STX2: variants seen among roughly 807,000 people sequenced by gnomAD.
STX2 encodes the protein syntaxin-2.
Under a neutral mutation model 40.6 loss-of-function variants are expected in STX2, and 27 were observed. The ratio of observed to expected loss-of-function variants is 0.66; its 90% CI spans 0.49 to 0.92. STX2 has a LOEUF of 0.92. STX2 is among the 40% of genes least tolerant of loss of function. The pLI is 0.00. For synonymous variants in STX2, 123 were observed against 119.1 expected, an observed-to-expected ratio of 1.03 and a Z score of -0.22; for missense variants, 328 against 366.1, an observed-to-expected ratio of 0.90 and a Z score of 0.85.
At chr12:130,802,305 C>T (rs547874018) in intron 6 of STX2, among the ~76,000 whole-genome samples, 5 of 152,294 alleles carry the variant, frequency 3.3e-5, no homozygotes, top group Middle Eastern at 6.8e-3. Flanking sequence ...TCAAGCAATT[C>T]TCATGCCTCT....
At chr12:130,813,499 A>C (rs970034359) in intron 3 of STX2, among the ~76,000 whole-genome samples, 1 of 152,146 alleles carries the variant, frequency 6.6e-6, no homozygotes, top group African/African-American at 2.4e-5. Context: ...AAAACGCCCG[A>C]ATAATCACAG....
intron 3 of STX2, 28 bp downstream of exon 3, chr12:130,821,661 C>G: frequency 6.4e-7 from 1 of 1,570,440 alleles, no homozygotes; most frequent in Non-Finnish European, 8.8e-7. Flanking sequence ...GACAGACAAA[C>G]GTTTTGTTGT....
intron 8 of STX2, among the ~76,000 whole-genome samples, chr12:130,799,907 G>A (rs186125752): frequency 6.6e-6 from 1 of 152,132 alleles, no homozygotes; most frequent in African/African-American, 2.4e-5. Flanking sequence ...TAACAAGGTT[G>A]CTGAAGCAGG....
chr12:130,823,081 C>G (rs1952176517), intron 2 of STX2, among the ~76,000 whole-genome samples: 1 of 152,136 alleles, frequency 6.6e-6, no homozygotes, highest in Non-Finnish European at 1.5e-5. Flanking sequence ...GCAGAAGGAT[C>G]ACTTGTGGCC....
At chr12:130,829,512 C>G (rs1226898445) in intron 1 of STX2, among the ~76,000 whole-genome samples, 1 of 108,472 alleles carries the variant, frequency 9.2e-6, no homozygotes, top group African/African-American at 3.0e-5. Context: ...TGCTGCGGAG[C>G]CCCACCAGCC....
At position 130,818,183 on chromosome 12, in the gene STX2, AAAATATAT is replaced by A. The variant is rs1404972832; in HGVS notation, c.205+3498_205+3505del. ...ACGCTGTTTCTACAAAAAAAAAAAA[AAAATATAT>A]ATATATATATATATATATATATATA... On this transcript the variant is annotated intron_variant, in intron 3 of 10. Transcript: ENST00000392373. 9.8e-4 allele frequency among the ~76,000 whole-genome samples: 20 copies of A among 20,330 alleles called. 1 individual carries two copies. In the Admixed American group the frequency reaches 0.01, roughly 10 times the overall value. The allele number at this position is 20,330 out of a possible 152,430, so 13.3% of individuals were successfully genotyped here.
At position 130,839,081 on chromosome 12, in the gene STX2, C is replaced by G; in HGVS notation, c.19G>C (p.Asp7His). 7.5e-7 allele frequency: 1 copy of G among 1,328,470 alleles called. No individual in the cohort carries two copies. Among genetic ancestry groups the G allele is most frequent in the Non-Finnish European group, 9.7e-7 (1 of 1,035,302 alleles). 82.3% of individuals were successfully genotyped at this position (1,328,470 alleles called of 1,614,324 possible). MRDRLP[D>H]LTACRKNDDG... is the part of the protein sequence containing the mutation. The stretch of plus-strand genomic sequence containing the variant: ...CGGCTGCCGCTCACCGCCGTCAGGT[C>G]TGGCAGCCGGTCCCGCATCCCCGCC... The change falls in exon 1 of 11, where the codon GAC becomes CAC. Residue 7 changes from aspartate to histidine, a missense_variant. Asp to His is a moderately conservative substitution (Grantham distance 81). Coordinates refer to ENST00000392373, the MANE Select transcript of STX2 (RefSeq NM_194356.4).
At position 130,835,339 on chromosome 12, in the gene STX2, A is replaced by T. The variant is rs555317844; in HGVS notation, c.30+3731T>A. On this transcript the variant is annotated intron_variant, in intron 1 of 10. Coordinates refer to ENST00000392373, the MANE Select transcript of STX2 (RefSeq NM_194356.4). The stretch of plus-strand genomic sequence containing the variant: ...TTCATCACCTTGAAACCAGGATGAA[A>T]AATAACGTTCTCATTTCTTTTAGGT... Among the ~76,000 whole-genome samples the T allele has an allele frequency of 2.8e-4, 42 of 152,358 alleles. 1 individual carries two copies. In the South Asian group the frequency reaches 7.7e-3, roughly 28 times the overall value.
At chr12:130,820,421 C>CT (rs1222445390) in intron 3 of STX2, among the ~76,000 whole-genome samples, 1 of 152,128 alleles carries the variant, frequency 6.6e-6, no homozygotes, top group Non-Finnish European at 1.5e-5. Flanking sequence ...AATCCCAGCA[C>CT]TTTGGGAGGC....
intron 2 of STX2, among the ~76,000 whole-genome samples, chr12:130,826,483 C>T (rs928166827): frequency 6.6e-6 from 1 of 152,196 alleles, no homozygotes; most frequent in Non-Finnish European, 1.5e-5. Context: ...GCTGCAGGCC[C>T]GGCCCCAACC....
chr12:130,827,143 A>C, intron 2 of STX2, 50 bp downstream of exon 2: 1 of 834,136 alleles, frequency 1.2e-6, no homozygotes, highest in Non-Finnish European at 1.7e-6. Context: ...GGGGGGAGGG[A>C]GGGAGGACAG....
intron 1 of STX2, 73 bp downstream of exon 1, chr12:130,838,993 AGACG>A: frequency 2.7e-6 from 3 of 1,126,828 alleles, no homozygotes; most frequent in South Asian, 2.4e-5. Context: ...GCCCCGCCCA[AGACG>A]CCCCGAGCCC....
chr12:130,836,415 C>T (rs1346811482), intron 1 of STX2, among the ~76,000 whole-genome samples: 1 of 152,012 alleles, frequency 6.6e-6, no homozygotes, highest in Non-Finnish European at 1.5e-5. Context: ...GAACCACAGG[C>T]ATGCACCACT....
At chr12:130,797,796 T>G (rs1444464086) in intron 9 of STX2, among the ~76,000 whole-genome samples, 1 of 152,230 alleles carries the variant, frequency 6.6e-6, no homozygotes, top group Non-Finnish European at 1.5e-5. Flanking sequence ...TCTGTGCATC[T>G]TGAGTGAAAG....
In STX2 at chr12:130,791,591, G is replaced by T; in HGVS notation, c.*432C>A. 4 of 200,924 alleles carry T rather than the reference G, an allele frequency of 2.0e-5. No individual in the cohort carries two copies. The highest frequency in any genetic ancestry group is 9.9e-6 in the Non-Finnish European group (1 of 101,426). 12.4% of individuals were successfully genotyped at this position (200,924 alleles called of 1,614,324 possible). A position where few individuals can be genotyped will look rare whatever the true frequency, so the allele number is the denominator to read the frequency against. On this transcript the variant is annotated 3_prime_UTR_variant, in exon 11 of 11. Transcript: ENST00000392373. ...TCCTAATTAAACTTCATGCACATTT[G>T]TTAACACTGAAATATTTTTAATATT...
chr12:130,816,129 C>A (rs1279935174), intron 3 of STX2, among the ~76,000 whole-genome samples: 1 of 152,100 alleles, frequency 6.6e-6, no homozygotes, highest in Non-Finnish European at 1.5e-5. Context: ...GTGTAGGAGT[C>A]GAAGCTAAAA....
At position 130,801,141 on chromosome 12, in the gene STX2, G is replaced by C; in HGVS notation, c.675+12C>G. On this transcript the variant is annotated intron_variant, in intron 8 of 10. Coordinates refer to ENST00000392373, the MANE Select transcript of STX2 (RefSeq NM_194356.4). ...GATATCTCTCTTGGAGAATGCAAGA[G>C]TCTGTAACTACCTGAGTCTCCACAA... 6.2e-7 allele frequency: 1 copy of C among 1,607,074 alleles called. No individual in the cohort carries two copies. The highest frequency in any genetic ancestry group is 8.5e-7 in the Non-Finnish European group (1 of 1,175,130).
intron 1 of STX2, among the ~76,000 whole-genome samples, chr12:130,838,869 G>A (rs1238763987): frequency 3.1e-5 from 4 of 130,318 alleles, no homozygotes; most frequent in Non-Finnish European, 6.5e-5. Context: ...TAGGACTCCC[G>A]GGACCCCCGC....
chr12:130,823,520 G>C (rs1329791167), intron 2 of STX2, among the ~76,000 whole-genome samples: 1 of 152,188 alleles, frequency 6.6e-6, no homozygotes, highest in Non-Finnish European at 1.5e-5. Flanking sequence ...ACGAGGCAAG[G>C]GAGCCAACGT....
Sources: allele counts gnomAD v4.1 joint callset (sites outside exome capture counted in the v4.1 genomes callset), GRCh38; gene constraint gnomAD v4.1.1; transcripts MANE v1.5; gene names NCBI Gene and HGNC (gene_info 2026-07-23, HGNC 2026-07-21).